The following SACS variants were observed in gnomAD, a reference collection of about 807,000 sequenced individuals.
SACS encodes sacsin molecular chaperone.
Under a neutral mutation model 348.0 loss-of-function variants are expected in SACS, and 197 were observed. The observed-to-expected ratio is 0.57, with a 90% confidence interval of 0.50 to 0.64. The LOEUF is 0.64. Ranked by LOEUF, SACS falls within the 30% of genes least tolerant of loss-of-function variation. The probability of loss-of-function intolerance (pLI) is 0.00; values close to 1 mark genes in which losing one functional copy is unlikely to be tolerated. For synonymous variants in SACS, 1,985 were observed against 1,910.6 expected (o/e 1.04, Z -1.02); for missense variants, 4,999 against 5,360.8 (o/e 0.93, Z 2.11).
In SACS at chr13:23,332,202, A is replaced by T; in HGVS notation, c.11674T>A (p.Ser3892Thr). ...SGLFRSLQNDSVKVRSDLENV... is the reference protein window; with the variant it reads ...SGLFRSLQNDTVKVRSDLENV... Reference sequence around the variant, plus strand: ...TCGAGATCACTCCTCACCTTGACTGAATCATTCTGTAGACTCCTGAACAGA... The same window carrying T: ...TCGAGATCACTCCTCACCTTGACTGTATCATTCTGTAGACTCCTGAACAGA... Residue 3892 changes from serine (S) to threonine (T), a missense_variant, in exon 10 of 10, where the codon TCA becomes ACA. This residue lies in a region of SACS where 831 missense variants were observed against 941.8 expected (regional missense o/e 0.88). Coordinates refer to ENST00000382292, the MANE Select transcript of SACS (RefSeq NM_014363.6). 6.2e-7 allele frequency: 1 copy of T among 1,613,996 alleles called. No individual in the cohort carries two copies. The highest frequency in any genetic ancestry group is 8.5e-7 in the Non-Finnish European group (1 of 1,179,948).
intron 6 of SACS, among the ~76,000 whole-genome samples, chr13:23,361,473 A>G (rs941676615): frequency 2.0e-5 from 3 of 152,116 alleles, no homozygotes; most frequent in African/African-American, 7.2e-5. Context: ...TAAAAGTAAG[A>G]TAAGAAAGGA....
intron 9 of SACS, among the ~76,000 whole-genome samples, chr13:23,345,460 G>T (rs1043269467): frequency 2.0e-5 from 3 of 152,124 alleles, no homozygotes; most frequent in South Asian, 2.1e-4. Flanking sequence ...TAGCCCCAGT[G>T]ACCACATTTC....
chr13:23,393,738 T>C (rs567374961), intron 2 of SACS, among the ~76,000 whole-genome samples: 1 of 152,116 alleles, frequency 6.6e-6, no homozygotes, highest in Non-Finnish European at 1.5e-5. Context: ...CCTACCTCAG[T>C]ATTCTTGGTA....
chr13:23,404,816 CAAA>C (rs1873132469), intron 2 of SACS, among the ~76,000 whole-genome samples: 1 of 152,080 alleles, frequency 6.6e-6, no homozygotes, highest in South Asian at 2.1e-4. Context: ...ACAATCGCTA[CAAA>C]AAGAATAAAA....
intron 9 of SACS, among the ~76,000 whole-genome samples, chr13:23,351,262 A>C (rs1246619951): frequency 6.6e-6 from 1 of 152,230 alleles, no homozygotes; most frequent in Non-Finnish European, 1.5e-5. Context: ...ACACAGATAA[A>C]AATAAGTGGG....
At position 23,365,290 on chromosome 13, in the gene SACS, T is replaced by C; in HGVS notation, c.346-13A>G. The C allele has an allele frequency of 6.9e-7, 1 of 1,459,804 alleles. No individual in the cohort carries two copies. Among genetic ancestry groups the C allele is most frequent in the African/African-American group, 1.4e-5 (1 of 71,406 alleles). 90.4% of individuals were successfully genotyped at this position (1,459,804 alleles called of 1,614,324 possible). ...TCTGAATTAATTCCTAACCAAAAAA[T>C]ATACCAAAAAATAGTAATTAATAAC... On this transcript the variant is annotated splice_polypyrimidine_tract_variant and intron_variant, in intron 5 of 9. Coordinates refer to ENST00000382292, the MANE Select transcript of SACS (RefSeq NM_014363.6).
intron 3 of SACS, 139 bp downstream of exon 3, chr13:23,374,980 T>G: frequency 1.2e-6 from 1 of 825,276 alleles, no homozygotes; most frequent in Non-Finnish European, 1.7e-6. Flanking sequence ...AAGCCACAAC[T>G]CAGGACAAGC....
At chr13:23,371,240 A>AT in intron 3 of SACS, 75 bp from the exon 4 acceptor site, 1 of 843,852 alleles carries the variant, frequency 1.2e-6, no homozygotes, top group Non-Finnish European at 1.8e-6. Flanking sequence ...ATTATCTCAA[A>AT]TTTTTTCACT....
At chr13:23,412,127 C>T (rs1166992039) in intron 1 of SACS, among the ~76,000 whole-genome samples, 7 of 152,034 alleles carry the variant, frequency 4.6e-5, no homozygotes, top group South Asian at 2.1e-4. Context: ...GGCGTGGTGG[C>T]GGGCGCCTGT....
chr13:23,363,587 C>T (rs932625313), intron 6 of SACS, among the ~76,000 whole-genome samples: 3 of 152,196 alleles, frequency 2.0e-5, no homozygotes, highest in Non-Finnish European at 2.9e-5. Context: ...TATGCATAAA[C>T]TCGCAAAATA....
In SACS at chr13:23,331,199, T is replaced by C. The variant is rs376837191; in HGVS notation, c.12677A>G (p.Gln4226Arg). The stretch of plus-strand genomic sequence containing the variant: ...ATATTCACTATAACCAATATCTATC[T>C]GATATATCTTTCCTAGAAAACTAGA... The part of the protein sequence containing the change: ...DNSSFLGKIY[Q>R]IDIGYSEYKI... Residue 4226 changes from glutamine (Q) to arginine (R), a missense_variant, in exon 10 of 10, where the codon CAG becomes CGG. Transcript: ENST00000382292. The C allele has an allele frequency of 6.2e-7, 1 of 1,613,490 alleles. No homozygotes were observed. Among genetic ancestry groups the C allele is most frequent in the Non-Finnish European group, 8.5e-7 (1 of 1,179,450 alleles).
chr13:23,335,556 T>G lies in SACS; in HGVS notation c.8320A>C (p.Arg2774=). 6.2e-7 allele frequency: 1 copy of G among 1,613,778 alleles called. No individual in the cohort carries two copies. The highest frequency in any genetic ancestry group is 1.6e-4 in the Middle Eastern group (1 of 6,062). Residue 2774 remains arginine (R), a synonymous_variant, in exon 10 of 10, where the codon AGA becomes CGA. Transcript: ENST00000382292. This position sits in a 1 kb window ranked among gnomAD's most constrained non-coding sequence, Gnocchi z 4.7. ...GCATGAAATTGTTTCCTTTTCAATC[T>G]GTCTCCATCTGTGATTTTGCCCTTT... ...SVKGKITDGD[R]LKRKQFHASV...
At chr13:23,427,778 G>A (rs1343261001) in intron 1 of SACS, 1 of 152,230 alleles carries the variant, frequency 6.6e-6, no homozygotes, top group African/African-American at 2.4e-5. Context: ...GAGAGAAGGG[G>A]GGATAAAGCT....
chr13:23,430,068 C>T (rs978961269), intron 1 of SACS, among the ~76,000 whole-genome samples: 43 of 152,072 alleles, frequency 2.8e-4, no homozygotes, highest in African/African-American at 9.9e-4. Flanking sequence ...ATTAGCCGGA[C>T]GTGGTAGCAG....
intron 2 of SACS, among the ~76,000 whole-genome samples, chr13:23,406,517 T>C (rs2137945965): frequency 7.5e-6 from 1 of 133,062 alleles, no homozygotes; most frequent in Middle Eastern, 4.0e-3. Context: ...ATCCCAAAAC[T>C]TAAAGTATAA....
Position 23,333,509 on chromosome 13 carries a change from T to C in SACS, c.10367A>G (p.Lys3456Arg), listed in dbSNP as rs1474581218. 1 of 1,613,398 alleles carries C rather than the reference T, an allele frequency of 6.2e-7. No homozygotes were observed. The highest frequency in any genetic ancestry group is 1.3e-5 in the African/African-American group (1 of 74,884). Residue 3456 changes from lysine to arginine, a missense_variant, in exon 10 of 10, where the codon AAA becomes AGA. Lys to Arg is a conservative substitution (Grantham distance 26). Coordinates refer to ENST00000382292, the MANE Select transcript of SACS (RefSeq NM_014363.6). ...QSSSSAFLEEKIHLKELYEVI... is the reference protein window; with the variant it reads ...QSSSSAFLEERIHLKELYEVI... Reference sequence around the variant, plus strand: ...CTCATATAGTTCTTTTAAGTGTATTTTTTCTTCAAGAAATGCAGATGATGA... The same window carrying C: ...CTCATATAGTTCTTTTAAGTGTATTCTTTCTTCAAGAAATGCAGATGATGA...
intron 2 of SACS, among the ~76,000 whole-genome samples, chr13:23,397,468 T>C (rs1872754283): frequency 6.6e-6 from 1 of 152,232 alleles, no homozygotes; most frequent in Non-Finnish European, 1.5e-5. Context: ...TAATGCATTT[T>C]AGTCTCTGTT....
intron 1 of SACS, among the ~76,000 whole-genome samples, chr13:23,430,373 T>C (rs1009291078): frequency 5.9e-5 from 9 of 152,178 alleles, no homozygotes; most frequent in African/African-American, 1.9e-4. Flanking sequence ...GTTTATATCA[T>C]ATTGCCAAAT....
intron 2 of SACS, among the ~76,000 whole-genome samples, chr13:23,403,628 G>A (rs775127084): frequency 6.6e-6 from 1 of 152,002 alleles, no homozygotes; most frequent in Admixed American, 6.6e-5. Flanking sequence ...ATGTCTATTT[G>A]ATTCTTCTCT....
Sources: gnomAD v4.1 joint callset for allele counts (sites outside exome capture counted in the v4.1 genomes callset) on GRCh38, gnomAD v4.1.1 for gene constraint, gnomAD v4.1.1 regional missense constraint, Gnocchi (gnomAD v3.1) non-coding constraint, MANE v1.5 for transcripts, NCBI Gene and HGNC (gene_info 2026-07-23, HGNC 2026-07-21) for gene names.